The following ALK variants were observed in gnomAD, a reference collection of about 807,000 sequenced individuals.
ALK encodes the protein ALK tyrosine kinase receptor.
Under a neutral mutation model 163.1 loss-of-function variants are expected in ALK, and 74 were observed. The observed-to-expected ratio is 0.45, with a 90% CI of 0.38 to 0.55. The LOEUF is 0.55. Among genes scored for constraint, ALK ranks in the 20% least tolerant of loss-of-function variants. The pLI is 0.00. For missense variants in ALK, 2,063 were observed against 2,105.3 expected (o/e 0.98, Z 0.39); for synonymous variants, 960 against 843.2 (o/e 1.14, Z -2.40).
chr2:29,779,012 C>T (rs1166922303), intron 1 of ALK, among the ~76,000 whole-genome samples: 3 of 152,008 alleles, frequency 2.0e-5, no homozygotes, highest in East Asian at 3.9e-4. Flanking sequence ...AAAAATTAGC[C>T]GGGCGTGGTG....
chr2:29,250,637 G>A (rs1290466547), intron 12 of ALK, among the ~76,000 whole-genome samples: 1 of 152,184 alleles, frequency 6.6e-6, no homozygotes, highest in Middle Eastern at 3.2e-3. Flanking sequence ...GCTGGGGTAG[G>A]GTTGGGGCTG....
chr2:29,687,011 A>T (rs1026782440), intron 3 of ALK, among the ~76,000 whole-genome samples: 17 of 152,100 alleles, frequency 1.1e-4, no homozygotes, highest in Admixed American at 1.0e-3. Context: ...CAGAGAACTA[A>T]TGTGGGCTTT....
intron 4 of ALK, among the ~76,000 whole-genome samples, chr2:29,447,463 G>GA (rs113240351): frequency 2.1e-4 from 31 of 149,594 alleles, no homozygotes; most frequent in East Asian, 3.9e-4. Flanking sequence ...CTTTAGGAGG[G>GA]AAAAAAAAAA....
chr2:29,784,872 G>A (rs1663965161), intron 1 of ALK, among the ~76,000 whole-genome samples: 1 of 152,110 alleles, frequency 6.6e-6, no homozygotes, highest in African/African-American at 2.4e-5. Context: ...AAGAGATGCA[G>A]TGCTCTCTTC....
intron 3 of ALK, among the ~76,000 whole-genome samples, chr2:29,589,381 T>G (rs74716396): frequency 6.6e-6 from 1 of 152,256 alleles, no homozygotes; most frequent in East Asian, 1.9e-4. Flanking sequence ...GGAGGATCTC[T>G]AGTCCTACCT....
At chr2:29,220,576 T>C (rs1669773381) in intron 23 of ALK, 130 bp downstream of exon 23, 2 of 1,303,620 alleles carry the variant, frequency 1.5e-6, no homozygotes, top group Admixed American at 2.0e-5. Context: ...GTCACCCCCC[T>C]GTCCAAGCCT....
intron 5 of ALK, among the ~76,000 whole-genome samples, chr2:29,356,176 G>GAGCAATAATAGCTGA (rs2148283248): frequency 6.6e-6 from 1 of 152,274 alleles, no homozygotes; most frequent in South Asian, 2.1e-4. Flanking sequence ...CTGTTCCGCA[G>GAGCAATAATAGCTGA]AGCAATAATA....
intron 1 of ALK, among the ~76,000 whole-genome samples, chr2:29,857,130 T>C (rs750798644): frequency 6.6e-6 from 1 of 152,188 alleles, no homozygotes; most frequent in Admixed American, 6.5e-5. Flanking sequence ...ATAACCTAGA[T>C]CATGAAATGT....
At chr2:29,904,367 C>A (rs1394173768) in intron 1 of ALK, among the ~76,000 whole-genome samples, 1 of 152,064 alleles carries the variant, frequency 6.6e-6, no homozygotes, top group African/African-American at 2.4e-5. Flanking sequence ...TGCTCAATAT[C>A]TAAAGAATTA....
intron 1 of ALK, among the ~76,000 whole-genome samples, chr2:29,880,171 T>G (rs1048292909): frequency 7.2e-5 from 11 of 152,348 alleles, no homozygotes; most frequent in African/African-American, 2.2e-4. Context: ...TTATCATCTC[T>G]CAGAGAAAAT....
At chr2:29,584,084 G>A (rs777953951) in intron 3 of ALK, among the ~76,000 whole-genome samples, 4 of 152,060 alleles carry the variant, frequency 2.6e-5, no homozygotes, top group Non-Finnish European at 2.9e-5. Context: ...TAAGTCAGGG[G>A]GTGTTCAAGA....
At chr2:29,764,305 C>T (rs1202147296) in intron 1 of ALK, among the ~76,000 whole-genome samples, 3 of 152,066 alleles carry the variant, frequency 2.0e-5, no homozygotes, top group African/African-American at 7.2e-5. Flanking sequence ...TCCCTGAGTA[C>T]CAAGTGGTCT....
Position 29,192,914 on chromosome 2 carries a change from C to T in ALK, c.*310G>A. ...TAATTCTGACTACATTGAAGCAGAG[C>T]ACACACAATTTGAAAGAAGCATAAG... is the stretch of plus-strand genomic sequence containing the variant. On this transcript the variant is annotated 3_prime_UTR_variant, in exon 29 of 29. Coordinates refer to ENST00000389048, the MANE Select transcript of ALK (RefSeq NM_004304.5). The T allele has an allele frequency of 2.2e-6, 1 of 449,316 alleles. No homozygotes were observed. The highest frequency in any genetic ancestry group is 2.2e-5 in the South Asian group (1 of 45,832). The allele number at this position is 449,316 out of a possible 1,614,324, so 27.8% of individuals were successfully genotyped here. A position where few individuals can be genotyped will look rare whatever the true frequency, so the allele number is the denominator to read the frequency against.
At chr2:29,532,765 C>T (rs1328888984) in intron 3 of ALK, among the ~76,000 whole-genome samples, 1 of 152,240 alleles carries the variant, frequency 6.6e-6, no homozygotes, top group East Asian at 1.9e-4. Context: ...TGTAAAAGCA[C>T]ACCACCATTA....
At chr2:29,259,380 C>T (rs797005991) in intron 11 of ALK, among the ~76,000 whole-genome samples, 61 of 152,202 alleles carry the variant, frequency 4.0e-4, no homozygotes, top group African/African-American at 1.3e-3. Context: ...TCCCTTACTT[C>T]GTCATAGTTC....
At chr2:29,879,667 C>T (rs527474110) in intron 1 of ALK, among the ~76,000 whole-genome samples, 2 of 152,136 alleles carry the variant, frequency 1.3e-5, no homozygotes, top group East Asian at 1.9e-4. Context: ...TTATTCTATC[C>T]TTTTCTCCCC....
At chr2:29,603,596 T>TC (rs1675437742) in intron 3 of ALK, among the ~76,000 whole-genome samples, 1 of 152,178 alleles carries the variant, frequency 6.6e-6, no homozygotes, top group South Asian at 2.1e-4. Flanking sequence ...AACTAGTTTT[T>TC]TTTAGGCTTC....
At chr2:29,408,156 C>T (rs1417803240) in intron 4 of ALK, among the ~76,000 whole-genome samples, 2 of 150,630 alleles carry the variant, frequency 1.3e-5, no homozygotes, top group African/African-American at 2.5e-5. Context: ...CATCTTGGCT[C>T]ACTGCAAACT....
chr2:29,635,533 C>G (rs1343318005), intron 3 of ALK, among the ~76,000 whole-genome samples: 2 of 152,150 alleles, frequency 1.3e-5, no homozygotes, highest in African/African-American at 4.8e-5. Flanking sequence ...TCCCCGAGAG[C>G]CTCTTGAGGG....
Sources: gnomAD v4.1 joint callset for allele counts (sites outside exome capture counted in the v4.1 genomes callset) on GRCh38, gnomAD v4.1.1 for gene constraint, MANE v1.5 for transcripts, NCBI Gene and HGNC (gene_info 2026-07-23, HGNC 2026-07-21) for gene names.